The following SORL1 variants were observed in gnomAD, a reference collection of about 807,000 sequenced individuals.
SORL1 encodes sortilin-related receptor.
A neutral mutation model predicts 273.7 loss-of-function variants in SORL1; 127 were observed. That is an observed-to-expected ratio of 0.46 (90% CI 0.40 to 0.54). The LOEUF is 0.54. Among genes scored for constraint, SORL1 ranks in the 20% least tolerant of loss-of-function variants. SORL1 has a pLI of 0.00. For synonymous variants in SORL1, 1,031 were observed against 1,067.4 expected, an observed-to-expected ratio of 0.97 and a Z score of 0.66; for missense variants, 2,494 against 2,846.1, an observed-to-expected ratio of 0.88 and a Z score of 2.81.
chr11:121,539,604 G>T (rs572127224), intron 12 of SORL1, among the ~76,000 whole-genome samples: 20 of 151,272 alleles, frequency 1.3e-4, no homozygotes, highest in Non-Finnish European at 2.2e-4. Context: ...AAGCAAAATA[G>T]AATTTTTTTT....
At chr11:121,609,989 T>C (rs142410771) in intron 38 of SORL1, 13 of 152,384 alleles carry the variant, frequency 8.5e-5, no homozygotes, top group African/African-American at 2.9e-4. Context: ...ACTGTTTTGC[T>C]CTGTGTTGGC....
intron 21 of SORL1, among the ~76,000 whole-genome samples, chr11:121,566,264 T>A (rs944538122): frequency 2.7e-5 from 4 of 150,866 alleles, no homozygotes; most frequent in Non-Finnish European, 4.4e-5. Context: ...TCTTTCTTTT[T>A]AAAAAAAAAA....
chr11:121,524,990 G>A (rs894525756), intron 11 of SORL1, among the ~76,000 whole-genome samples: 3 of 150,570 alleles, frequency 2.0e-5, no homozygotes, highest in African/African-American at 4.9e-5. Context: ...AAGCAGATAA[G>A]GGGACAGTAC....
chr11:121,476,006 TGAAG>T (rs1861261965), intron 2 of SORL1, among the ~76,000 whole-genome samples: 1 of 152,324 alleles, frequency 6.6e-6, no homozygotes, highest in East Asian at 1.9e-4. Flanking sequence ...GTTTTTCAGA[TGAAG>T]AGAGAGAATG....
intron 22 of SORL1, among the ~76,000 whole-genome samples, chr11:121,569,071 T>C (rs1441741673): frequency 2.0e-5 from 3 of 152,232 alleles, no homozygotes; most frequent in Non-Finnish European, 4.4e-5. Flanking sequence ...TTATAATTTC[T>C]TATGCCTGTC....
intron 11 of SORL1, among the ~76,000 whole-genome samples, chr11:121,526,037 A>G (rs1391891373): frequency 6.6e-6 from 1 of 152,248 alleles, no homozygotes. Context: ...CAATAAATAT[A>G]TAAATAAATT....
At chr11:121,491,545 C>T (rs1463767573) in intron 5 of SORL1, among the ~76,000 whole-genome samples, 1 of 152,174 alleles carries the variant, frequency 6.6e-6, no homozygotes, top group Non-Finnish European at 1.5e-5. Flanking sequence ...ATCTTCACCA[C>T]CCCAAATCAG....
chr11:121,523,994 C>G (rs1350677251), intron 11 of SORL1, among the ~76,000 whole-genome samples: 1 of 152,238 alleles, frequency 6.6e-6, no homozygotes, highest in African/African-American at 2.4e-5. Flanking sequence ...CAAGCCTTCT[C>G]TCACTGTGGC....
At chr11:121,516,705 G>A (rs11218316) in intron 8 of SORL1, among the ~76,000 whole-genome samples, 1 of 152,202 alleles carries the variant, frequency 6.6e-6, no homozygotes, top group East Asian at 1.9e-4. Flanking sequence ...GTCCTGGTTT[G>A]GTCAGTGGCG....
At chr11:121,624,542 G>A in intron 45 of SORL1, among the ~76,000 whole-genome samples, 1 of 152,202 alleles carries the variant, frequency 6.6e-6, no homozygotes, top group East Asian at 1.9e-4. Context: ...AGGTTGTTGG[G>A]GGGCTGAGAT....
At chr11:121,534,590 A>G (rs905469468) in intron 12 of SORL1, among the ~76,000 whole-genome samples, 2 of 152,258 alleles carry the variant, frequency 1.3e-5, no homozygotes, top group African/African-American at 4.8e-5. Flanking sequence ...TGACAGGTGC[A>G]TGTGTCCCAC....
rs908212583 is a variant in SORL1, at chr11:121,521,066, A to G, written c.1404+217A>G. 6.7e-4 allele frequency among the ~76,000 whole-genome samples: 17 copies of G among 25,440 alleles called. No individual in the cohort carries two copies. In the East Asian group the frequency reaches 8.3e-3, roughly 12 times the overall value. 16.7% of individuals were successfully genotyped at this position (25,440 alleles called of 152,430 possible). A position where few individuals can be genotyped will look rare whatever the true frequency, so the allele number is the denominator to read the frequency against. On this transcript the variant is annotated intron_variant, in intron 9 of 47. Coordinates refer to ENST00000260197, the MANE Select transcript of SORL1 (RefSeq NM_003105.6). ...CACTTCTGGGCAGAAGCAACTCAGA[A>G]AAAAAAAAAAAAAAGTAGTATTCGT...
rs752531777 is a variant in SORL1, at chr11:121,558,818, A to G, written c.2891A>G (p.Tyr964Cys). Residue 964 changes from tyrosine (Y) to cysteine (C), a missense_variant, in exon 20 of 48, where the codon TAT becomes TGT. Coordinates refer to ENST00000260197, the MANE Select transcript of SORL1 (RefSeq NM_003105.6). The part of the protein sequence containing the change: ...SVILDNLPHP[Y>C]AIAVFKNEIY... ...ATTCTGGACAACCTCCCGCACCCCT[A>G]TGCCATTGCTGTCTTTAAGGTGAGT... 1 of 1,614,046 alleles carries G rather than the reference A, an allele frequency of 6.2e-7. No homozygotes were observed. The highest frequency in any genetic ancestry group is 8.5e-7 in the Non-Finnish European group (1 of 1,180,006).
At chr11:121,488,505 C>G (rs1861508186) in intron 4 of SORL1, among the ~76,000 whole-genome samples, 1 of 152,100 alleles carries the variant, frequency 6.6e-6, no homozygotes, top group Non-Finnish European at 1.5e-5. Context: ...GGAATTTAAT[C>G]AGAGAGAGAG....
chr11:121,538,575 C>T (rs753634657), intron 12 of SORL1, among the ~76,000 whole-genome samples: 16 of 152,268 alleles, frequency 1.1e-4, no homozygotes, highest in Non-Finnish European at 1.8e-4. Context: ...ATCAACAGGA[C>T]GGATGTTCCC....
At chr11:121,498,492 C>T (rs1861662841) in intron 6 of SORL1, among the ~76,000 whole-genome samples, 1 of 152,148 alleles carries the variant, frequency 6.6e-6, no homozygotes, top group African/African-American at 2.4e-5. Context: ...GTTTGTCCTC[C>T]TTTTTGCTTG....
rs184295543 is a variant in SORL1, at chr11:121,532,111, A to G, written c.1597-353A>G. Among the ~76,000 whole-genome samples, 18 of 152,358 alleles carry G rather than the reference A, an allele frequency of 1.2e-4. No individual in the cohort carries two copies. The East Asian group carries it at 2.1e-3, about 18-fold the overall frequency. On this transcript the variant is annotated intron_variant, in intron 11 of 47. Transcript: ENST00000260197. ...TATAGAGGGCTAATACTGTCATAGT[A>G]GAACTGAAACCCCAGTTACTTAATT...
chr11:121,605,100 T>A lies in SORL1; in HGVS notation c.4652-13T>A. ...TGTAACTTTGTTTGTCTTTTTCTCCTTTATCTCTCTAGATGAGTTGACTGT... is the reference window on the plus strand; with the variant it reads ...TGTAACTTTGTTTGTCTTTTTCTCCATTATCTCTCTAGATGAGTTGACTGT... On this transcript the variant is annotated splice_polypyrimidine_tract_variant and intron_variant, in intron 33 of 47. Transcript: ENST00000260197. The A allele has an allele frequency of 6.2e-7, 1 of 1,600,276 alleles. No homozygotes were observed. The highest frequency in any genetic ancestry group is 8.5e-7 in the Non-Finnish European group (1 of 1,173,328).
Position 121,596,114 on chromosome 11 carries a change from C to T in SORL1, c.4519+342C>T, listed in dbSNP as rs1435916767. ...GAAAGCCACAACTCTTCTGTATGTA[C>T]ATTCATTCTTCTGGAAGTATTTAGT... On this transcript the variant is annotated intron_variant, in intron 32 of 47. Coordinates refer to ENST00000260197, the MANE Select transcript of SORL1 (RefSeq NM_003105.6). The surrounding 1 kb of genome is among the most constrained non-coding windows in gnomAD (Gnocchi z 4.3). 6.6e-6 allele frequency among the ~76,000 whole-genome samples: 1 copy of T among 152,180 alleles called. No homozygotes were observed. The highest frequency in any genetic ancestry group is 1.5e-5 in the Non-Finnish European group (1 of 68,038).
Sources: gnomAD v4.1 joint callset for allele counts (sites outside exome capture counted in the v4.1 genomes callset) on GRCh38, gnomAD v4.1.1 for gene constraint, Gnocchi (gnomAD v3.1) non-coding constraint, MANE v1.5 for transcripts, NCBI Gene and HGNC (gene_info 2026-07-23, HGNC 2026-07-21) for gene names.